NOXA1: variants seen among roughly 807,000 people sequenced by gnomAD.
The protein encoded by NOXA1 is NCF2-like protein.
A neutral mutation model predicts 64.8 loss-of-function variants in NOXA1; 56 were observed. The observed-to-expected ratio is 0.86, with a 90% CI of 0.70 to 1.08. NOXA1 has a LOEUF of 1.08. NOXA1 is among the 50% of genes least tolerant of loss of function. The pLI, the probability that NOXA1 is intolerant of heterozygous loss-of-function variation, is 0.00. For synonymous variants in NOXA1, 295 were observed against 294.8 expected (o/e 1.00, Z -0.01); for missense variants, 668 against 658.5 (o/e 1.01, Z -0.16).
intron 3 of NOXA1, among the ~76,000 whole-genome samples, chr9:137,428,525 C>T (rs1472199248): frequency 1.3e-5 from 2 of 151,982 alleles, no homozygotes; most frequent in Non-Finnish European, 2.9e-5. Context: ...ATGCATCGCC[C>T]TGAAGCCTTC....
chr9:137,424,307 T>G lies in NOXA1; in HGVS notation c.177+601T>G, dbSNP rs1199115259. Among the ~76,000 whole-genome samples, 3 of 152,226 alleles carry G rather than the reference T, an allele frequency of 2.0e-5. No individual in the cohort carries two copies. In the East Asian group the frequency reaches 5.8e-4, roughly 29 times the overall value. On this transcript the variant is annotated intron_variant, in intron 1 of 13. Coordinates refer to ENST00000683555, the MANE Select transcript of NOXA1 (RefSeq NM_001256067.2). ...TTAAAGGAGAGGGAACTGCGCGCTGTGGGAGGGTCTCCACGCCCCTGACTG... is the reference window on the plus strand; with the variant it reads ...TTAAAGGAGAGGGAACTGCGCGCTGGGGGAGGGTCTCCACGCCCCTGACTG...
At chr9:137,426,922 G>C (rs936465535) in intron 2 of NOXA1, among the ~76,000 whole-genome samples, 1 of 152,066 alleles carries the variant, frequency 6.6e-6, no homozygotes, top group African/African-American at 2.4e-5. Flanking sequence ...TTAGCCTCCC[G>C]GGTAGCTGGG....
chr9:137,423,775 C>A, intron 1 of NOXA1, 69 bp downstream of exon 1: 1 of 1,157,490 alleles, frequency 8.6e-7, no homozygotes, highest in East Asian at 3.5e-5. Flanking sequence ...GGGCCCAGCG[C>A]CCCTCCCCGA....
In NOXA1 at chr9:137,430,795, T is replaced by C. The variant is rs1017609799; in HGVS notation, c.624T>C (p.Ser208=). ...ACTGTCCCCGCCAGGTGGTGGCCTC[T>C]GCCATCCCCGACGACCAGGGCTGGG... ...DFLGKAKVVA[S]AIPDDQGWGV... is the part of the protein sequence containing the mutation. Residue 208 remains serine (S), a synonymous_variant, in exon 6 of 14, where the codon TCT becomes TCC. Coordinates refer to ENST00000683555, the MANE Select transcript of NOXA1 (RefSeq NM_001256067.2). The C allele has an allele frequency of 1.8e-5, 28 of 1,595,202 alleles. No homozygotes were observed. The highest frequency in any genetic ancestry group is 2.2e-5 in the Non-Finnish European group (26 of 1,175,818).
At chr9:137,433,685 G>T in intron 11 of NOXA1, 65 bp from the exon 12 acceptor site, 1 of 1,504,674 alleles carries the variant, frequency 6.6e-7, no homozygotes, top group Non-Finnish European at 8.9e-7. Context: ...AGAGGGGGTG[G>T]CAGAGGTCAC....
At chr9:137,426,199 C>T (rs372286258) in intron 1 of NOXA1, 49 bp from the exon 2 acceptor site, 175 of 1,517,292 alleles carry the variant, frequency 1.2e-4, no homozygotes, top group Admixed American at 1.3e-4. Context: ...TGTGATGCTG[C>T]GTGACCAGGT....
Position 137,423,422 on chromosome 9 carries a change from G to C in NOXA1, c.-108G>C, listed in dbSNP as rs1838657171. Reference sequence around the variant, plus strand: ...GGGTTGCACCTGGCGCTTGGCGCCCGCACCTCTGCCCGCCTCGGAGACCCC... The same window carrying C: ...GGGTTGCACCTGGCGCTTGGCGCCCCCACCTCTGCCCGCCTCGGAGACCCC... On this transcript the variant is annotated 5_prime_UTR_variant, in exon 1 of 14. Coordinates refer to ENST00000683555, the MANE Select transcript of NOXA1 (RefSeq NM_001256067.2). 1.5e-6 allele frequency: 1 copy of C among 665,458 alleles called. No homozygotes were observed. Among genetic ancestry groups the C allele is most frequent in the African/African-American group, 1.9e-5 (1 of 51,524 alleles). The allele number at this position is 665,458 out of a possible 1,614,324, so 41.2% of individuals were successfully genotyped here.
At chr9:137,426,074 G>A (rs569864782) in intron 1 of NOXA1, among the ~76,000 whole-genome samples, 174 bp from the exon 2 acceptor site, 109 of 152,254 alleles carry the variant, frequency 7.2e-4, no homozygotes, top group Non-Finnish European at 1.2e-3. Context: ...CCTGAGTGGC[G>A]ACAGCCCTGC....
In NOXA1 at chr9:137,428,967, G is replaced by A; in HGVS notation, c.455G>A (p.Trp152Ter). 4 of 1,599,268 alleles carry A rather than the reference G, an allele frequency of 2.5e-6. No individual in the cohort carries two copies. Among genetic ancestry groups the A allele is most frequent in the Non-Finnish European group, 3.4e-6 (4 of 1,173,550 alleles). Reference sequence around the variant, plus strand: ...AGCCTAAGGGAGGCCATGTCCAAGTGGCCGGAGGGGTCCCTGAATGGCCTG... The same window carrying A: ...AGCCTAAGGGAGGCCATGTCCAAGTAGCCGGAGGGGTCCCTGAATGGCCTG... Reference protein sequence around the residue: ...ASSLREAMSKWPEGSLNGLDS... With the variant: ...ASSLREAMSK Residue 152 changes from tryptophan (W) to a stop codon, truncating the protein, a stop_gained, in exon 4 of 14, where the codon TGG becomes TAG. Coordinates refer to ENST00000683555, the MANE Select transcript of NOXA1 (RefSeq NM_001256067.2). LOFTEE classifies it high-confidence loss of function.
Position 137,430,815 on chromosome 9 carries a change from G to T in NOXA1, c.644G>T (p.Gly215Val). Residue 215 changes from glycine (G) to valine (V), a missense_variant, in exon 6 of 14, where the codon GGC becomes GTC. By Grantham distance (109) the Gly-to-Val change is moderately radical. Coordinates refer to ENST00000683555, the MANE Select transcript of NOXA1 (RefSeq NM_001256067.2). ...VVASAIPDDQ[G>V]WGVRPQQPQG... ...GCCTCTGCCATCCCCGACGACCAGG[G>T]CTGGGGCGTCCGCCCTCAGCAGCCA... 6.3e-7 allele frequency: 1 copy of T among 1,594,222 alleles called. No homozygotes were observed. Among genetic ancestry groups the T allele is most frequent in the Non-Finnish European group, 8.5e-7 (1 of 1,174,632 alleles).
chr9:137,429,244 G>A (rs199786742), intron 4 of NOXA1, 32 bp from the exon 5 acceptor site: 168 of 1,477,752 alleles, frequency 1.1e-4, no homozygotes, highest in Admixed American at 2.4e-4. Flanking sequence ...TGGTCACCCC[G>A]TCTGCATCTG....
rs138312877 is a variant in NOXA1 at position 137,429,359 on chromosome 9, C to T, written c.588C>T (p.Pro196=). The part of the protein sequence containing the change: ...PHRWHLKHLE[P]VDFLGKAKVV... Reference sequence around the variant, plus strand: ...GGTGGCACCTGAAGCACTTGGAGCCCGTGGATTTCCTGGGCAAGGCCAAGG... The same window carrying T: ...GGTGGCACCTGAAGCACTTGGAGCCTGTGGATTTCCTGGGCAAGGCCAAGG... Residue 196 remains proline (P), a synonymous_variant, in exon 5 of 14, where the codon CCC becomes CCT. Coordinates refer to ENST00000683555, the MANE Select transcript of NOXA1 (RefSeq NM_001256067.2). The T allele has an allele frequency of 2.7e-5, 42 of 1,582,228 alleles. No individual in the cohort carries two copies. Among genetic ancestry groups the T allele is most frequent in the East Asian group, 6.9e-5 (3 of 43,690 alleles).
chr9:137,427,622 C>T (rs1838893740), intron 2 of NOXA1, among the ~76,000 whole-genome samples: 1 of 152,240 alleles, frequency 6.6e-6, no homozygotes, highest in African/African-American at 2.4e-5. Context: ...GAGGAGAGGC[C>T]TCTCCGGCAG....
chr9:137,430,500 G>A (rs1473667120), intron 5 of NOXA1, among the ~76,000 whole-genome samples: 1 of 152,258 alleles, frequency 6.6e-6, no homozygotes, highest in Non-Finnish European at 1.5e-5. Context: ...GCTCTGAGCT[G>A]TGTTAATGCA....
chr9:137,432,691 G>A (rs747951327), intron 8 of NOXA1, among the ~76,000 whole-genome samples: 5 of 152,224 alleles, frequency 3.3e-5, no homozygotes, highest in Admixed American at 2.0e-4. Context: ...CAGGGCACAC[G>A]GTTAATGTCG....
At chr9:137,429,465 A>C in intron 5 of NOXA1, 82 bp downstream of exon 5, 1 of 994,186 alleles carries the variant, frequency 1.0e-6, no homozygotes. Context: ...GGGGAGGTGC[A>C]GTCCAGGCCA....
intron 2 of NOXA1, 127 bp from the exon 3 acceptor site, chr9:137,427,906 A>G: frequency 1.5e-6 from 1 of 647,290 alleles, no homozygotes; most frequent in Non-Finnish European, 2.7e-6. Context: ...TAGGCACCGC[A>G]CTGCCCTCCC....
In NOXA1 at chr9:137,429,327, C is replaced by A; in HGVS notation, c.556C>A (p.Pro186Thr). The change falls in exon 5 of 14, where the codon CCC becomes ACC. Residue 186 changes from proline (P) to threonine (T), a missense_variant. By Grantham distance (38) the Pro-to-Thr change is conservative. Transcript: ENST00000683555. ...RQVPRGEVFR[P>T]HRWHLKHLEP... Reference sequence around the variant, plus strand: ...GGTCCCCAGGGGCGAGGTCTTCCGGCCCCACCGGTGGCACCTGAAGCACTT... The same window carrying A: ...GGTCCCCAGGGGCGAGGTCTTCCGGACCCACCGGTGGCACCTGAAGCACTT... 6.3e-7 allele frequency: 1 copy of A among 1,582,482 alleles called. No homozygotes were observed. The highest frequency in any genetic ancestry group is 8.6e-7 in the Non-Finnish European group (1 of 1,165,832).
chr9:137,423,776 C>G (rs1838687643), intron 1 of NOXA1, 70 bp downstream of exon 1: 1 of 1,156,814 alleles, frequency 8.6e-7, no homozygotes, highest in African/African-American at 1.6e-5. Flanking sequence ...GGCCCAGCGC[C>G]CCTCCCCGAC....
Sources: gnomAD v4.1 joint callset for allele counts (sites outside exome capture counted in the v4.1 genomes callset) on GRCh38, gnomAD v4.1.1 for gene constraint, MANE v1.5 for transcripts, NCBI Gene and HGNC (gene_info 2026-07-23, HGNC 2026-07-21) for gene names.